BMP7: variants seen among roughly 807,000 people sequenced by gnomAD.
BMP7 encodes osteogenic protein 1.
In BMP7, 12 loss-of-function variants were observed where a neutral mutation model predicts 41.2. The observed-to-expected ratio is 0.29, with a 90% CI of 0.19 to 0.47. The LOEUF is 0.47. Ranked by LOEUF, BMP7 falls within the 20% of genes least tolerant of loss-of-function variation. The probability of loss-of-function intolerance (pLI) is 0.99; values close to 1 mark genes in which losing one functional copy is unlikely to be tolerated. For missense variants in BMP7, 467 were observed against 606.0 expected (o/e 0.77, Z 2.41); for synonymous variants, 248 against 250.0 (o/e 0.99, Z 0.07).
intron 3 of BMP7, 40 bp from the exon 4 acceptor site, chr20:57,183,959 A>C (rs757193434): frequency 3.7e-6 from 6 of 1,605,868 alleles, no homozygotes; most frequent in Non-Finnish European, 5.1e-6. Context: ...GAGTAGTTAC[A>C]GGAGGGCCAC....
intron 1 of BMP7, among the ~76,000 whole-genome samples, chr20:57,249,139 C>T (rs762625627): frequency 7.2e-5 from 11 of 152,144 alleles, no homozygotes; most frequent in Middle Eastern, 3.4e-3. Flanking sequence ...CCATTCCTCT[C>T]CACAGAAGCA....
chr20:57,238,915 T>TC (rs1258570733), intron 1 of BMP7, among the ~76,000 whole-genome samples: 1 of 151,868 alleles, frequency 6.6e-6, no homozygotes, highest in Non-Finnish European at 1.5e-5. Context: ...TTCAATTACC[T>TC]CCCCCGAGTC....
intron 2 of BMP7, among the ~76,000 whole-genome samples, chr20:57,209,364 G>A (rs989873737): frequency 2.0e-5 from 3 of 149,842 alleles, no homozygotes; most frequent in African/African-American, 7.3e-5. Context: ...AGAATCGCTT[G>A]AGCCCAGGAG....
intron 1 of BMP7, among the ~76,000 whole-genome samples, chr20:57,258,063 C>T (rs1040016785): frequency 5.3e-5 from 8 of 152,214 alleles, no homozygotes; most frequent in African/African-American, 1.7e-4. Flanking sequence ...AGTTTTTATT[C>T]GTGGCCAATT....
rs139954635 is a variant in BMP7 at position 57,261,641 on chromosome 20, G to T, written c.418+4064C>A. Among the ~76,000 whole-genome samples, 3 of 152,160 alleles carry T rather than the reference G, an allele frequency of 2.0e-5. No homozygotes were observed. The highest frequency in any genetic ancestry group is 6.5e-5 in the Admixed American group (1 of 15,270). ...AAGGCGCTCTGCAGAAAGAAAGAAG[G>T]GGGGAGCTGTGTGACATCTATATTA... On this transcript the variant is annotated intron_variant, in intron 1 of 6. Coordinates refer to ENST00000395863, the MANE Select transcript of BMP7 (RefSeq NM_001719.3). This position sits in a 1 kb window ranked among gnomAD's most constrained non-coding sequence, Gnocchi z 4.1.
At chr20:57,220,488 G>T (rs551051105) in intron 2 of BMP7, among the ~76,000 whole-genome samples, 1 of 152,214 alleles carries the variant, frequency 6.6e-6, no homozygotes, top group Admixed American at 6.5e-5. Context: ...TTGGAAAAAT[G>T]AGCTTCTATA....
chr20:57,239,730 A>G (rs949660219), intron 1 of BMP7, among the ~76,000 whole-genome samples: 3 of 152,172 alleles, frequency 2.0e-5, no homozygotes, highest in African/African-American at 4.8e-5. Context: ...CCAAACCTCA[A>G]TTCTTGACTT....
At chr20:57,210,175 C>T (rs193288397) in intron 2 of BMP7, among the ~76,000 whole-genome samples, 9 of 152,320 alleles carry the variant, frequency 5.9e-5, no homozygotes, top group African/African-American at 7.2e-5. Context: ...AGGCATGAAC[C>T]GCTGGTGACC....
At chr20:57,200,986 G>A (rs1984605374) in intron 3 of BMP7, among the ~76,000 whole-genome samples, 1 of 152,164 alleles carries the variant, frequency 6.6e-6, no homozygotes, top group Admixed American at 6.5e-5. Context: ...TGACGAGGAT[G>A]ATGACTGCTC....
chr20:57,196,846 C>T (rs1026298511), intron 3 of BMP7, among the ~76,000 whole-genome samples: 5 of 152,112 alleles, frequency 3.3e-5, no homozygotes, highest in African/African-American at 4.8e-5. Flanking sequence ...ATTTTTAATT[C>T]ACCCAGAATT....
rs565788005 is a variant in BMP7 at position 57,245,635 on chromosome 20, A to ATT, written c.419-17216_419-17215dup. Among the ~76,000 whole-genome samples the ATT allele has an allele frequency of 3.3e-3, 391 of 118,606 alleles. 12 individuals are homozygous for ATT. The highest frequency in any genetic ancestry group is 0.012 in the African/African-American group (340 of 28,898). 77.8% of individuals were successfully genotyped at this position (118,606 alleles called of 152,430 possible). ...CAAATCATTGCTCCTGTGATTAGTG[A>ATT]TTTTTTTTTTTTTTTTTTTTTGAGA... On this transcript the variant is annotated intron_variant, in intron 1 of 6. Transcript: ENST00000395863.
At chr20:57,201,501 G>A (rs1455424257) in intron 3 of BMP7, among the ~76,000 whole-genome samples, 3 of 152,214 alleles carry the variant, frequency 2.0e-5, no homozygotes, top group African/African-American at 7.2e-5. Context: ...TACCCAGAGA[G>A]CATCTCTGAA....
chr20:57,190,069 T>A (rs897711924), intron 3 of BMP7, among the ~76,000 whole-genome samples: 1 of 152,014 alleles, frequency 6.6e-6, no homozygotes, highest in African/African-American at 2.4e-5. Flanking sequence ...GTCAGCACAG[T>A]GAAGAGGCCA....
chr20:57,245,338 T>C (rs567277872), intron 1 of BMP7, among the ~76,000 whole-genome samples: 1 of 143,006 alleles, frequency 7.0e-6, no homozygotes, highest in Non-Finnish European at 1.6e-5. Context: ...AAAAGTGGTG[T>C]TTTTTTTTAA....
At chr20:57,176,775 C>CACAT (rs1346645588) in intron 4 of BMP7, among the ~76,000 whole-genome samples, 3 of 144,812 alleles carry the variant, frequency 2.1e-5, no homozygotes, top group Non-Finnish European at 4.7e-5. Flanking sequence ...CACACACACA[C>CACAT]ACACACACAC....
At chr20:57,207,502 C>A (rs938985896) in intron 2 of BMP7, among the ~76,000 whole-genome samples, 10 of 152,158 alleles carry the variant, frequency 6.6e-5, no homozygotes, top group African/African-American at 1.4e-4. Context: ...GACAGATAAC[C>A]CAAACAACAG....
chr20:57,190,578 C>T (rs942052909), intron 3 of BMP7, among the ~76,000 whole-genome samples: 6 of 151,736 alleles, frequency 4.0e-5, no homozygotes, highest in Non-Finnish European at 7.4e-5. Flanking sequence ...GGGCAGGGGG[C>T]GACGTGGCCA....
At position 57,252,403 on chromosome 20, in the gene BMP7, C is replaced by A. The variant is rs986792615; in HGVS notation, c.418+13302G>T. Among the ~76,000 whole-genome samples the A allele has an allele frequency of 6.6e-5, 10 of 152,328 alleles. No individual in the cohort carries two copies. In the East Asian group the frequency reaches 1.4e-3, roughly 21 times the overall value. On this transcript the variant is annotated intron_variant, in intron 1 of 6. Transcript: ENST00000395863. Reference sequence around the variant, plus strand: ...GACACGGGAAAATATAGCTTCTGTGCTCACCTTCCCTCTCCCACCCCAGAG... The same window carrying A: ...GACACGGGAAAATATAGCTTCTGTGATCACCTTCCCTCTCCCACCCCAGAG...
At chr20:57,232,684 A>G (rs778015572) in intron 1 of BMP7, among the ~76,000 whole-genome samples, 4 of 152,188 alleles carry the variant, frequency 2.6e-5, no homozygotes, top group Non-Finnish European at 4.4e-5. Context: ...TCTTGCAAAC[A>G]TTTGTGGGCT....
Sources: allele counts gnomAD v4.1 joint callset (sites outside exome capture counted in the v4.1 genomes callset), GRCh38; gene constraint gnomAD v4.1.1; non-coding constraint Gnocchi (gnomAD v3.1); transcripts MANE v1.5; gene names NCBI Gene and HGNC (gene_info 2026-07-23, HGNC 2026-07-21).